TPRG1: variants seen among roughly 807,000 people sequenced by gnomAD.
TPRG1 encodes the protein tumor protein p63 regulated 1, also known as tumor protein p63-regulated gene 1 protein.
In TPRG1, 29 loss-of-function variants were observed where a neutral mutation model predicts 29.3. That is an observed-to-expected ratio of 0.99 (90% confidence interval 0.74 to 1.35). The LOEUF is 1.35. TPRG1 is among the 40% of genes most tolerant of loss of function. The pLI is 0.00. For missense variants in TPRG1, 327 were observed against 335.0 expected (o/e 0.98, Z 0.19); for synonymous variants, 130 against 116.8 (o/e 1.11, Z -0.73).
At chr3:189,048,943 C>T (rs559466610) in intron 4 of TPRG1, among the ~76,000 whole-genome samples, 1 of 152,254 alleles carries the variant, frequency 6.6e-6, no homozygotes, top group African/African-American at 2.4e-5. Context: ...AGTTAGAGAG[C>T]TGAGCGAAAT....
chr3:189,135,920 T>C (rs1049454259), intron 3 of TPRG1, among the ~76,000 whole-genome samples: 2 of 152,152 alleles, frequency 1.3e-5, no homozygotes, highest in Non-Finnish European at 2.9e-5. Flanking sequence ...TATCTCCTAC[T>C]CTCTGAAGCC....
At chr3:188,999,135 G>C (rs1711920987) in intron 1 of TPRG1, among the ~76,000 whole-genome samples, 2 of 152,154 alleles carry the variant, frequency 1.3e-5, no homozygotes, top group Admixed American at 1.3e-4. Context: ...AGACCAGTTA[G>C]GGAGGTGTTG....
intron 5 of TPRG1, among the ~76,000 whole-genome samples, chr3:189,159,504 C>T (rs191046222): frequency 6.6e-6 from 1 of 152,040 alleles, no homozygotes; most frequent in Non-Finnish European, 1.5e-5. Flanking sequence ...GAGTCCTATC[C>T]CCTGTCCTTA....
intron 1 of TPRG1, among the ~76,000 whole-genome samples, chr3:189,182,565 A>G (rs1450347780): frequency 1.3e-5 from 2 of 152,190 alleles, no homozygotes; most frequent in African/African-American, 4.8e-5. Flanking sequence ...GAATTTGGCC[A>G]TGTATACCAA....
chr3:189,038,717 T>C (rs1267009064), intron 4 of TPRG1, among the ~76,000 whole-genome samples: 1 of 151,130 alleles, frequency 6.6e-6, no homozygotes, highest in Non-Finnish European at 1.5e-5. Flanking sequence ...AATTACAACA[T>C]TTAAAACTGA....
chr3:189,180,044 A>G (rs953326929), intron 1 of TPRG1, among the ~76,000 whole-genome samples: 3 of 152,348 alleles, frequency 2.0e-5, no homozygotes, highest in Admixed American at 6.5e-5. Context: ...CATGGACGGC[A>G]GCATACGAAG....
intron 3 of TPRG1, among the ~76,000 whole-genome samples, chr3:189,226,261 C>G (rs1235093727): frequency 6.6e-6 from 1 of 152,152 alleles, no homozygotes; most frequent in Non-Finnish European, 1.5e-5. Flanking sequence ...TATGCAAGAG[C>G]TACCATATCC....
chr3:189,157,929 G>A (rs1315692742), intron 5 of TPRG1, among the ~76,000 whole-genome samples: 5 of 152,208 alleles, frequency 3.3e-5, no homozygotes, highest in Non-Finnish European at 7.3e-5. Context: ...AATGTATGTT[G>A]TAGAGACTAA....
At chr3:189,075,375 T>A (rs747551338) in intron 4 of TPRG1, among the ~76,000 whole-genome samples, 1 of 152,156 alleles carries the variant, frequency 6.6e-6, no homozygotes, top group Non-Finnish European at 1.5e-5. Context: ...CCTCAGGTGA[T>A]CCACCCACCT....
chr3:189,101,313 G>C (rs745913688), intron 1 of TPRG1, among the ~76,000 whole-genome samples: 1 of 151,976 alleles, frequency 6.6e-6, no homozygotes, highest in Non-Finnish European at 1.5e-5. Flanking sequence ...GACATGTAAA[G>C]TCTCACCCTA....
intron 4 of TPRG1, among the ~76,000 whole-genome samples, chr3:189,281,799 T>C (rs1464499490): frequency 6.6e-6 from 1 of 152,180 alleles, no homozygotes; most frequent in Non-Finnish European, 1.5e-5. Flanking sequence ...ACCTACTGAC[T>C]TCATCATTTC....
intron 4 of TPRG1, among the ~76,000 whole-genome samples, chr3:189,272,372 G>A (rs1404222333): frequency 6.6e-6 from 1 of 152,204 alleles, no homozygotes; most frequent in Non-Finnish European, 1.5e-5. Context: ...GATTCTAGAT[G>A]AGTTTCCTTT....
chr3:189,098,300 A>C (rs1354059884), upstream of TPRG1, among the ~76,000 whole-genome samples: 1 of 152,230 alleles, frequency 6.6e-6, no homozygotes, highest in Non-Finnish European at 1.5e-5. Context: ...AATACGAGTA[A>C]AGAAAATAAG....
intron 2 of TPRG1, among the ~76,000 whole-genome samples, chr3:189,002,749 C>T (rs1182525859): frequency 6.6e-6 from 1 of 152,090 alleles, no homozygotes; most frequent in African/African-American, 2.4e-5. Context: ...AAACAGAATT[C>T]TCCAGTACAA....
intron 4 of TPRG1, among the ~76,000 whole-genome samples, chr3:189,275,154 A>G (rs1408670335): frequency 2.6e-5 from 4 of 152,110 alleles, no homozygotes; most frequent in Admixed American, 2.0e-4. Context: ...CTTCAAATCA[A>G]TCTTCTACTT....
chr3:189,203,704 T>C (rs1173220911), intron 1 of TPRG1, among the ~76,000 whole-genome samples: 1 of 152,172 alleles, frequency 6.6e-6, no homozygotes, highest in Non-Finnish European at 1.5e-5. Flanking sequence ...TTTCAGGTAG[T>C]TTTTATTACA....
chr3:189,195,191 C>T (rs938946198), intron 1 of TPRG1, among the ~76,000 whole-genome samples: 1 of 152,086 alleles, frequency 6.6e-6, no homozygotes, highest in African/African-American at 2.4e-5. Flanking sequence ...CAGGTTGCTG[C>T]TTCAGCTTAG....
chr3:189,204,026 C>T (rs1046213875), intron 1 of TPRG1, among the ~76,000 whole-genome samples: 2 of 111,504 alleles, frequency 1.8e-5, no homozygotes, highest in African/African-American at 3.7e-5. Flanking sequence ...GGTGACAGAG[C>T]GAGACTGTCT....
intron 5 of TPRG1, among the ~76,000 whole-genome samples, chr3:189,310,806 T>C (rs1722367937): frequency 6.6e-6 from 1 of 152,150 alleles, no homozygotes; most frequent in Non-Finnish European, 1.5e-5. Context: ...ATGCATTGCC[T>C]ACATGGTGTA....
Sources: gnomAD v4.1 joint callset for allele counts (sites outside exome capture counted in the v4.1 genomes callset) on GRCh38, gnomAD v4.1.1 for gene constraint, MANE v1.5 for transcripts, NCBI Gene and HGNC (gene_info 2026-07-23, HGNC 2026-07-21) for gene names.